The following SACS variants were observed in gnomAD, a reference collection of about 807,000 sequenced individuals.
SACS encodes the protein sacsin molecular chaperone, also known as sacsin.
SACS carries 197 observed loss-of-function variants against 348.0 expected under a neutral mutation model. That is an observed-to-expected ratio of 0.57 (90% CI 0.50 to 0.64). SACS has a LOEUF of 0.64. Ranked by LOEUF, SACS falls within the 30% of genes least tolerant of loss-of-function variation. The pLI is 0.00. For missense variants in SACS, 4,999 were observed against 5,360.8 expected, an observed-to-expected ratio of 0.93 and a Z score of 2.11; for synonymous variants, 1,985 against 1,910.6, an observed-to-expected ratio of 1.04 and a Z score of -1.02.
chr13:23,331,021 G>A lies in SACS; in HGVS notation c.12855C>T (p.Ser4285=). ...ACTGATGTTTGGAAGAAGTCTTGTGGCTCTCTCTACCAGAGAAAAGAGGAG... is the reference window on the plus strand; with the variant it reads ...ACTGATGTTTGGAAGAAGTCTTGTGACTCTCTCTACCAGAGAAAAGAGGAG... The part of the protein sequence containing the change: ...SIPPLFSGRE[S]HKTSSKHQSP... The change falls in exon 10 of 10, where the codon AGC becomes AGT. Residue 4285 remains serine, a synonymous_variant. Coordinates refer to ENST00000382292, the MANE Select transcript of SACS (RefSeq NM_014363.6). 6.2e-7 allele frequency: 1 copy of A among 1,614,020 alleles called. No individual in the cohort carries two copies. The highest frequency in any genetic ancestry group is 8.5e-7 in the Non-Finnish European group (1 of 1,179,942).
chr13:23,419,968 A>G lies in SACS; in HGVS notation c.-501-8228T>C, dbSNP rs75629824. Among the ~76,000 whole-genome samples the G allele has an allele frequency of 6.1e-3, 935 of 152,160 alleles. 20 individuals carry two copies. Among genetic ancestry groups the G allele is most frequent in the African/African-American group, 0.02 (830 of 41,510 alleles). On this transcript the variant is annotated intron_variant, in intron 1 of 9. Transcript: ENST00000382292. ...TGTCACTCTGGGCCTAGCTGCCCAC[A>G]TGGGTCCTTGGTGTCCACCTGGAGC...
chr13:23,341,565 T>C lies in SACS; in HGVS notation c.2311A>G (p.Arg771Gly). The C allele has an allele frequency of 6.2e-7, 1 of 1,614,154 alleles. No individual in the cohort carries two copies. The highest frequency in any genetic ancestry group is 8.5e-7 in the Non-Finnish European group (1 of 1,180,026). ...IVQWYPFDENRNHPSVSWLKM... is the reference protein window; with the variant it reads ...IVQWYPFDENGNHPSVSWLKM... ...AGCCATGAAACAGATGGGTGATTTCTGTTTTCATCAAATGGATACCATTGA... is the reference window on the plus strand; with the variant it reads ...AGCCATGAAACAGATGGGTGATTTCCGTTTTCATCAAATGGATACCATTGA... The change falls in exon 10 of 10, where the codon AGA becomes GGA. Residue 771 changes from arginine to glycine, a missense_variant. Around this residue, in one of 6 missense-constraint regions of SACS, gnomAD observed 3,156 missense variants for 3,380.1 expected, o/e 0.93. Transcript: ENST00000382292.
At position 23,354,747 on chromosome 13, in the gene SACS, G is replaced by A; in HGVS notation, c.1865C>T (p.Pro622Leu). 1.2e-6 allele frequency: 2 copies of A among 1,613,850 alleles called. No individual in the cohort carries two copies. Among genetic ancestry groups the A allele is most frequent in the Non-Finnish European group, 1.7e-6 (2 of 1,179,812 alleles). The change falls in exon 8 of 10, where the codon CCT (proline) becomes CTT (leucine). Residue 622 changes from proline to leucine, a missense_variant. Pro to Leu is a moderately conservative substitution (Grantham distance 98). This residue lies in a region of SACS where 3,156 missense variants were observed against 3,380.1 expected (regional missense o/e 0.93). Coordinates refer to ENST00000382292, the MANE Select transcript of SACS (RefSeq NM_014363.6). ...VQLTAASGTTPVRKVTPAWVR... is the reference protein window; with the variant it reads ...VQLTAASGTTLVRKVTPAWVR... ...CCACGCGGGCGTCACCTTCCTCACA[G>A]GTGTTGTGCCAGAGGCAGCTGTGAG... is the stretch of plus-strand genomic sequence containing the variant.
intron 2 of SACS, among the ~76,000 whole-genome samples, chr13:23,409,645 A>G (rs1873403945): frequency 2.0e-5 from 3 of 152,098 alleles, no homozygotes; most frequent in African/African-American, 7.2e-5. Flanking sequence ...TATATAAACC[A>G]GCCTGGTTTG....
intron 1 of SACS, among the ~76,000 whole-genome samples, chr13:23,426,389 C>T (rs1201882539): frequency 6.6e-6 from 1 of 152,064 alleles, no homozygotes; most frequent in African/African-American, 2.4e-5. Flanking sequence ...GCCTGTAATC[C>T]CAGCACTTTG....
At chr13:23,351,483 G>GT (rs1869956770) in intron 9 of SACS, among the ~76,000 whole-genome samples, 1 of 152,122 alleles carries the variant, frequency 6.6e-6, no homozygotes, top group Non-Finnish European at 1.5e-5. Context: ...AGAGCTGATA[G>GT]TTTTATAAGG....
At chr13:23,358,286 T>C in intron 7 of SACS, 49 bp downstream of exon 7, 1 of 1,578,932 alleles carries the variant, frequency 6.3e-7, no homozygotes, top group African/African-American at 1.3e-5. Flanking sequence ...TTACAGAATG[T>C]AAGATATAAT....
At chr13:23,364,470 G>A (rs539735799) in intron 6 of SACS, among the ~76,000 whole-genome samples, 1 of 152,110 alleles carries the variant, frequency 6.6e-6, no homozygotes, top group African/African-American at 2.4e-5. Context: ...TAGTAGAGAC[G>A]GGGTTTTGCC....
At chr13:23,381,355 G>GCACA (rs71100174) in intron 2 of SACS, among the ~76,000 whole-genome samples, 10,131 of 139,928 alleles carry the variant, frequency 0.072, 551 homozygotes, top group African/African-American at 0.15. Context: ...GCAGCACGAA[G>GCACA]CACACACACA....
In SACS at chr13:23,337,674, T is replaced by C. The variant is rs1183868956; in HGVS notation, c.6202A>G (p.Ile2068Val). The part of the protein sequence containing the change: ...SEVFFPNIQE[I>V]EAELRDPLMI... ...AAAGGATCTCTAAGTTCTGCTTCAA[T>C]TTCTTGAATATTTGGAAAAAACACT... The change falls in exon 10 of 10, where the codon ATT (isoleucine) becomes GTT (valine). Residue 2068 changes from isoleucine (I) to valine (V), a missense_variant. Physicochemically the swap from Ile to Val is conservative, Grantham distance 29. This residue lies in a region of SACS where 3,156 missense variants were observed against 3,380.1 expected (regional missense o/e 0.93). Transcript: ENST00000382292. 3.1e-6 allele frequency: 5 copies of C among 1,612,968 alleles called. No individual in the cohort carries two copies. Among genetic ancestry groups the C allele is most frequent in the Non-Finnish European group, 4.2e-6 (5 of 1,179,810 alleles).
At chr13:23,412,983 T>C (rs1362381115) in intron 1 of SACS, among the ~76,000 whole-genome samples, 1 of 152,196 alleles carries the variant, frequency 6.6e-6, no homozygotes, top group African/African-American at 2.4e-5. Context: ...AGAAACTTTT[T>C]TTTTGTTTTT....
chr13:23,431,051 C>CA (rs1874415493), intron 1 of SACS, among the ~76,000 whole-genome samples: 1 of 152,192 alleles, frequency 6.6e-6, no homozygotes, highest in Non-Finnish European at 1.5e-5. Context: ...ACTTGGGGTT[C>CA]TACTCTCTCT....
intron 3 of SACS, chr13:23,374,192 G>A (rs531523538): frequency 2.0e-5 from 3 of 152,272 alleles, no homozygotes; most frequent in Non-Finnish European, 4.4e-5. Context: ...AAGGACTGAT[G>A]AATCCCCCGA....
At chr13:23,365,769 T>C (rs141442023) in intron 5 of SACS, among the ~76,000 whole-genome samples, 7 of 152,318 alleles carry the variant, frequency 4.6e-5, no homozygotes, top group Non-Finnish European at 5.9e-5. Context: ...AATTGGCTGC[T>C]TTCTTGAGAG....
intron 9 of SACS, among the ~76,000 whole-genome samples, chr13:23,347,840 A>C (rs1197000394): frequency 1.3e-5 from 2 of 152,150 alleles, no homozygotes; most frequent in African/African-American, 2.4e-5. Flanking sequence ...GCTGTCCTCC[A>C]AACAGGAAAA....
chr13:23,392,157 C>T (rs1872552033), intron 2 of SACS, among the ~76,000 whole-genome samples: 1 of 152,194 alleles, frequency 6.6e-6, no homozygotes, highest in Admixed American at 6.5e-5. Flanking sequence ...CTTTTGATGA[C>T]TCTTTTCCTA....
intron 2 of SACS, among the ~76,000 whole-genome samples, chr13:23,394,812 G>T (rs113993292): frequency 2.0e-5 from 3 of 152,174 alleles, no homozygotes; most frequent in Admixed American, 6.5e-5. Flanking sequence ...TCGAGATCGC[G>T]CACCTGCACT....
chr13:23,359,282 TAC>T (rs375539000), intron 6 of SACS, among the ~76,000 whole-genome samples: 5 of 152,206 alleles, frequency 3.3e-5, no homozygotes, highest in Admixed American at 1.3e-4. Flanking sequence ...CATTTTACTA[TAC>T]ACACACACAT....
chr13:23,336,036 C>T lies in SACS; in HGVS notation c.7840G>A (p.Gly2614Arg). 6.2e-7 allele frequency: 1 copy of T among 1,612,322 alleles called. No homozygotes were observed. Among genetic ancestry groups the T allele is most frequent in the Non-Finnish European group, 8.5e-7 (1 of 1,178,566 alleles). ...IQNLGKGTKE[G>R]NPYKTGQYGI... ...TACTGTCCAGTTTTATAAGGATTTC[C>T]CTCTTTCGTGCCTTTTCCAAGATTC... Residue 2614 changes from glycine (G) to arginine (R), a missense_variant, in exon 10 of 10, where the codon GGA (glycine) becomes AGA (arginine). Physicochemically the swap from Gly to Arg is moderately radical, Grantham distance 125. Coordinates refer to ENST00000382292, the MANE Select transcript of SACS (RefSeq NM_014363.6).
Sources: allele counts gnomAD v4.1 joint callset (sites outside exome capture counted in the v4.1 genomes callset), GRCh38; gene constraint gnomAD v4.1.1; regional missense constraint gnomAD v4.1.1; transcripts MANE v1.5; gene names NCBI Gene and HGNC (gene_info 2026-07-23, HGNC 2026-07-21).